PATJ: variants seen among roughly 807,000 people sequenced by gnomAD.
PATJ encodes the protein inaD-like protein.
A neutral mutation model predicts 224.9 loss-of-function variants in PATJ; 190 were observed. The observed-to-expected ratio is 0.84, with a 90% confidence interval of 0.75 to 0.95. The LOEUF (loss-of-function observed/expected upper bound fraction) is 0.95. Among genes scored for constraint, PATJ ranks in the 40% least tolerant of loss-of-function variants. The pLI, the probability that PATJ is intolerant of heterozygous loss-of-function variation, is 0.00. For missense variants in PATJ, 2,121 were observed against 2,270.3 expected, an observed-to-expected ratio of 0.93 and a Z score of 1.34; for synonymous variants, 769 against 820.3, an observed-to-expected ratio of 0.94 and a Z score of 1.07.
intron 14 of PATJ, among the ~76,000 whole-genome samples, chr1:61,821,382 C>T (rs1461649152): frequency 6.6e-6 from 1 of 152,186 alleles, no homozygotes; most frequent in African/African-American, 2.4e-5. Flanking sequence ...AGAACTAGAA[C>T]ATCTTCTTGC....
intron 43 of PATJ, among the ~76,000 whole-genome samples, chr1:62,159,730 G>A (rs1418545429): frequency 1.3e-5 from 2 of 151,404 alleles, no homozygotes; most frequent in African/African-American, 4.9e-5. Flanking sequence ...ATTTTTTGTA[G>A]AGACAGTTTC....
intron 4 of PATJ, among the ~76,000 whole-genome samples, chr1:61,767,613 A>C (rs1198588917): frequency 1.3e-5 from 2 of 152,084 alleles, no homozygotes; most frequent in African/African-American, 2.4e-5. Context: ...GTGATAATTA[A>C]ATAATATTCT....
chr1:62,064,927 T>G (rs1656157005), intron 31 of PATJ, among the ~76,000 whole-genome samples: 1 of 152,218 alleles, frequency 6.6e-6, no homozygotes, highest in Admixed American at 6.5e-5. Flanking sequence ...AGTCTAGGAA[T>G]TCCCTCTAAG....
chr1:61,913,894 T>C (rs1213122664), intron 25 of PATJ, among the ~76,000 whole-genome samples: 1 of 152,188 alleles, frequency 6.6e-6, no homozygotes, highest in African/African-American at 2.4e-5. Context: ...CCCCTAAAAC[T>C]CTATCTTGCA....
intron 12 of PATJ, among the ~76,000 whole-genome samples, chr1:61,802,331 G>C (rs1233507407): frequency 1.3e-5 from 2 of 152,208 alleles, no homozygotes; most frequent in Non-Finnish European, 2.9e-5. Context: ...GGCTTCAAGT[G>C]ATCTGCCCAC....
intron 7 of PATJ, among the ~76,000 whole-genome samples, chr1:61,777,685 T>G: frequency 8.9e-6 from 1 of 112,918 alleles, no homozygotes; most frequent in Non-Finnish European, 1.9e-5. Flanking sequence ...ATTTTCTTCC[T>G]TTTTTCTTTC....
intron 41 of PATJ, among the ~76,000 whole-genome samples, chr1:62,145,820 T>G (rs1667986021): frequency 6.6e-6 from 1 of 151,342 alleles, no homozygotes. Context: ...TAGCCAGGCA[T>G]GGTGGCATGC....
intron 14 of PATJ, among the ~76,000 whole-genome samples, chr1:61,809,884 C>T (rs1163357618): frequency 1.8e-4 from 24 of 134,632 alleles, no homozygotes; most frequent in East Asian, 8.8e-4. Flanking sequence ...CTTGCTCTGT[C>T]GCCCAGGCTG....
At chr1:62,036,906 G>A (rs1475283536) in intron 29 of PATJ, among the ~76,000 whole-genome samples, 4 of 137,934 alleles carry the variant, frequency 2.9e-5, no homozygotes, top group South Asian at 2.3e-4. Context: ...AGGAAGGGAG[G>A]GAGGGAGGAA....
Position 61,886,888 on chromosome 1 carries a change from G to T in PATJ, c.3131+2480G>T, listed in dbSNP as rs1225971004. On this transcript the variant is annotated intron_variant, in intron 22 of 43. Coordinates refer to ENST00000642238, the MANE Select transcript of PATJ (RefSeq NM_001350145.3). ...CCCAGCTACTAGGGAGGCTGAGGTG[G>T]GAGGACCGTTTAAGGCTGGAAGGTT... 2.7e-5 allele frequency among the ~76,000 whole-genome samples: 4 copies of T among 150,564 alleles called. No homozygotes were observed. In the East Asian group the frequency reaches 7.7e-4, roughly 29 times the overall value.
chr1:61,838,579 C>G (rs929678058), intron 17 of PATJ, among the ~76,000 whole-genome samples: 14 of 143,956 alleles, frequency 9.7e-5, no homozygotes, highest in Admixed American at 9.3e-4. Context: ...ACCGTGTTAG[C>G]CAGGATGGTC....
At chr1:61,943,125 A>G (rs954294625) in intron 27 of PATJ, among the ~76,000 whole-genome samples, 4 of 152,198 alleles carry the variant, frequency 2.6e-5, no homozygotes, top group Non-Finnish European at 5.9e-5. Flanking sequence ...TAAGTAAAGG[A>G]AGCCTGCTGA....
At chr1:61,981,740 C>T (rs1475842699) in intron 27 of PATJ, among the ~76,000 whole-genome samples, 4 of 151,296 alleles carry the variant, frequency 2.6e-5, no homozygotes, top group South Asian at 2.1e-4. Flanking sequence ...GACACAATCT[C>T]GGCTTAGTGC....
chr1:61,788,037 A>G, intron 8 of PATJ, 65 bp downstream of exon 8: 2 of 1,307,814 alleles, frequency 1.5e-6, no homozygotes, highest in Non-Finnish European at 1.1e-6. Context: ...GTAAGATAAG[A>G]AATTCTTTCA....
intron 17 of PATJ, among the ~76,000 whole-genome samples, chr1:61,842,850 A>G (rs1661338554): frequency 2.0e-5 from 3 of 152,156 alleles, no homozygotes; most frequent in East Asian, 1.9e-4. Flanking sequence ...ACCTGTAGCA[A>G]TGGATGTGTT....
intron 27 of PATJ, among the ~76,000 whole-genome samples, chr1:61,935,039 C>G (rs756448036): frequency 6.6e-6 from 1 of 152,144 alleles, no homozygotes; most frequent in Non-Finnish European, 1.5e-5. Context: ...CACTTTGATC[C>G]CAGAGGTTAA....
At position 61,867,145 on chromosome 1, in the gene PATJ, A is replaced by G. The variant is rs143635089; in HGVS notation, c.2835+2512A>G. Among the ~76,000 whole-genome samples, 805 of 152,324 alleles carry G rather than the reference A, an allele frequency of 5.3e-3. 7 individuals are homozygous for G. Among genetic ancestry groups the G allele is most frequent in the African/African-American group, 0.018 (743 of 41,572 alleles). On this transcript the variant is annotated intron_variant, in intron 20 of 43. Transcript: ENST00000642238. Reference sequence around the variant, plus strand: ...TCCTGTGACTTAGAATGCCTTAACCATCTGGAAATGCAGCCCAGTAGGTCT... The same window carrying G: ...TCCTGTGACTTAGAATGCCTTAACCGTCTGGAAATGCAGCCCAGTAGGTCT...
intron 33 of PATJ, among the ~76,000 whole-genome samples, chr1:62,105,183 A>G (rs1267865057): frequency 1.3e-5 from 2 of 152,218 alleles, no homozygotes; most frequent in Non-Finnish European, 2.9e-5. Flanking sequence ...ATTGAGCGCC[A>G]GAAAATATCT....
At chr1:62,079,291 G>T (rs1009475316) in intron 31 of PATJ, among the ~76,000 whole-genome samples, 159 bp from the exon 32 acceptor site, 2 of 152,120 alleles carry the variant, frequency 1.3e-5, no homozygotes, top group African/African-American at 4.8e-5. Flanking sequence ...GAGGAACGAG[G>T]CATAAATCAT....
Sources: gnomAD v4.1 joint callset for allele counts (sites outside exome capture counted in the v4.1 genomes callset) on GRCh38, gnomAD v4.1.1 for gene constraint, MANE v1.5 for transcripts, NCBI Gene and HGNC (gene_info 2026-07-23, HGNC 2026-07-21) for gene names.